Variants in CAPN15 observed in about 807,000 individuals in gnomAD.
The protein encoded by CAPN15 is calpain 15.
A neutral mutation model predicts 97.9 loss-of-function variants in CAPN15; 53 were observed. The observed-to-expected ratio is 0.54, with a 90% confidence interval of 0.43 to 0.68. CAPN15 has a LOEUF of 0.68. CAPN15 is among the 30% of genes least tolerant of loss of function. CAPN15 has a pLI of 0.00. For missense variants in CAPN15, 1,592 were observed against 1,589.8 expected, an observed-to-expected ratio of 1.00 and a Z score of -0.02; for synonymous variants, 922 against 722.5, an observed-to-expected ratio of 1.28 and a Z score of -4.43.
At chr16:544,065 G>A (rs932000883) in intron 3 of CAPN15, among the ~76,000 whole-genome samples, 10 of 152,158 alleles carry the variant, frequency 6.6e-5, no homozygotes, top group Admixed American at 2.6e-4. Context: ...AGTCATCTAC[G>A]GGCCGGGCAC....
rs141169267 is a variant in CAPN15, at chr16:551,347, C to T, written c.2112C>T (p.Asp704=). ...ASCGGGNMKV[D]DSAYESLGLR... ...GTGGCGGGGGCAACATGAAGGTGGA[C>T]GATTCGGCCTACGAGAGCCTGGGCC... The change falls in exon 8 of 14, where the codon GAC becomes GAT. Residue 704 remains aspartate, a synonymous_variant. Coordinates refer to ENST00000219611, the MANE Select transcript of CAPN15 (RefSeq NM_005632.3). 313 of 1,607,930 alleles carry T rather than the reference C, an allele frequency of 1.9e-4. 1 individual carries two copies. The African/African-American group carries it at 2.1e-3, about 11-fold the overall frequency.
At chr16:531,006 G>C (rs991006612) in intron 1 of CAPN15, among the ~76,000 whole-genome samples, 2 of 152,248 alleles carry the variant, frequency 1.3e-5, no homozygotes, top group Non-Finnish European at 2.9e-5. Flanking sequence ...AAGCTTCAAG[G>C]GTTGCCATCC....
intron 2 of CAPN15, among the ~76,000 whole-genome samples, 191 bp downstream of exon 2, chr16:534,189 C>T: frequency 6.6e-6 from 1 of 152,402 alleles, no homozygotes; most frequent in East Asian, 1.9e-4. Context: ...GGGCCGTGGT[C>T]CTGTCGTGGG....
At chr16:531,998 C>G (rs2033296449) in intron 1 of CAPN15, among the ~76,000 whole-genome samples, 1 of 152,100 alleles carries the variant, frequency 6.6e-6, no homozygotes, top group South Asian at 2.1e-4. Context: ...CCAGCCCTTT[C>G]AGAGGCCGAG....
At chr16:551,467 A>G (rs751859257) in intron 8 of CAPN15, 40 bp downstream of exon 8, 33 of 1,599,436 alleles carry the variant, frequency 2.1e-5, no homozygotes, top group Non-Finnish European at 2.8e-5. Flanking sequence ...GGTGCCGGTG[A>G]GACTCGGGCA....
intron 7 of CAPN15, among the ~76,000 whole-genome samples, chr16:550,649 C>T (rs1284195611): frequency 6.6e-6 from 1 of 151,880 alleles, no homozygotes. Context: ...TGAGGGTTCC[C>T]TGTCGGTGAG....
At chr16:553,270 C>G in intron 13 of CAPN15, 69 bp from the exon 14 acceptor site, 1 of 1,125,152 alleles carries the variant, frequency 8.9e-7, no homozygotes, top group South Asian at 1.4e-5. Context: ...TGCCCCTGTA[C>G]AGGTGGGCAC....
In CAPN15 at chr16:553,499, G is replaced by A. The variant is rs752543863; in HGVS notation, c.3244G>A (p.Gly1082Arg). The change falls in exon 14 of 14, where the codon GGG becomes AGG. Residue 1082 changes from glycine (G) to arginine (R), a missense_variant. Transcript: ENST00000219611. Reference protein sequence around the residue: ...PLTPEVAGLHGPRPL With the variant: ...PLTPEVAGLHRPRPL ...CACGCCAGAGGTCGCCGGTCTGCAT[G>A]GGCCCCGACCGCTGTGACCACCATG... The A allele has an allele frequency of 3.2e-5, 51 of 1,608,408 alleles. No individual in the cohort carries two copies. The South Asian group carries it at 4.2e-4, about 13-fold the overall frequency.
chr16:528,977 C>T (rs1324197783), intron 1 of CAPN15, among the ~76,000 whole-genome samples: 3 of 152,340 alleles, frequency 2.0e-5, no homozygotes, highest in South Asian at 4.1e-4. Flanking sequence ...GTGATTCTCC[C>T]TTCCGGTTCT....
At chr16:550,054 G>A (rs1026530302) in intron 7 of CAPN15, among the ~76,000 whole-genome samples, 1 of 151,848 alleles carries the variant, frequency 6.6e-6, no homozygotes. Context: ...GCCACATCCT[G>A]GCCAGGCCGT....
intron 3 of CAPN15, chr16:537,435 G>T: frequency 2.0e-6 from 2 of 985,746 alleles, no homozygotes; most frequent in Non-Finnish European, 2.4e-6. Flanking sequence ...GTGCCACGTG[G>T]GTGAGTGCGT....
chr16:540,467 G>A (rs1245805561), intron 3 of CAPN15: 9 of 509,418 alleles, frequency 1.8e-5, no homozygotes, highest in African/African-American at 6.2e-5. Context: ...TTGCAGAGAA[G>A]TGGGTCCCTG....
chr16:552,302 C>T lies in CAPN15; in HGVS notation c.2509C>T (p.Arg837Cys), dbSNP rs776415726. The T allele has an allele frequency of 1.6e-5, 25 of 1,552,366 alleles. No individual in the cohort carries two copies. The highest frequency in any genetic ancestry group is 4.1e-5 in the African/African-American group (3 of 73,606). Residue 837 changes from arginine (R) to cysteine (C), a missense_variant and splice_region_variant, in exon 11 of 14, where the codon CGC (arginine) becomes TGC (cysteine). By Grantham distance (180) the Arg-to-Cys change is radical. This residue lies in a region of CAPN15 where 644 missense variants were observed against 699.6 expected (regional missense o/e 0.92). Coordinates refer to ENST00000219611, the MANE Select transcript of CAPN15 (RefSeq NM_005632.3). This position sits in a 1 kb window ranked among gnomAD's most constrained non-coding sequence, Gnocchi z 6.4. ...CCTGGCCCGTGGTGTCTGGCGCAGGCGCTCGGACGCCGTGGACAGCCACCT... is the reference window on the plus strand; with the variant it reads ...CCTGGCCCGTGGTGTCTGGCGCAGGTGCTCGGACGCCGTGGACAGCCACCT... The part of the protein sequence containing the change: ...EFALFQEGSR[R>C]SDAVDSHLLD...
rs777379009 is a variant in CAPN15, at chr16:551,862, G to T, written c.2346-189G>T. On this transcript the variant is annotated intron_variant, in intron 9 of 13. Transcript: ENST00000219611. Reference sequence around the variant, plus strand: ...CCAGGTCAGCAGATTCCAGCGCCCTGAAGAGCCGGCCCTGGAGGGCTTCCT... The same window carrying T: ...CCAGGTCAGCAGATTCCAGCGCCCTTAAGAGCCGGCCCTGGAGGGCTTCCT... The T allele has an allele frequency of 4.1e-6, 4 of 980,888 alleles. No individual in the cohort carries two copies. In the South Asian group the frequency reaches 5.5e-5, roughly 14 times the overall value. 60.8% of individuals were successfully genotyped at this position (980,888 alleles called of 1,614,324 possible).
chr16:550,439 C>T (rs1200661712), intron 7 of CAPN15, among the ~76,000 whole-genome samples: 2 of 152,250 alleles, frequency 1.3e-5, no homozygotes, highest in African/African-American at 2.4e-5. Context: ...CTGGTCCAGA[C>T]CCTCCTGAAC....
chr16:542,000 G>A (rs1444090993), intron 3 of CAPN15, among the ~76,000 whole-genome samples: 7 of 146,104 alleles, frequency 4.8e-5, no homozygotes, highest in African/African-American at 1.8e-4. Context: ...CAGAAGGTGC[G>A]TGGATGTGGG....
In CAPN15 at chr16:552,953, C is replaced by T. The variant is rs773791749; in HGVS notation, c.2995C>T (p.His999Tyr). ...GAACCGACACCCCAAGGCCTACCTGCACGTGCAGTGTGACTGCACCGACAG... is the reference window on the plus strand; with the variant it reads ...GAACCGACACCCCAAGGCCTACCTGTACGTGCAGTGTGACTGCACCGACAG... ...VENRHPKAYL[H>Y]VQCDCTDSFN... is the part of the protein sequence containing the mutation. Residue 999 changes from histidine (H) to tyrosine (Y), a missense_variant, in exon 13 of 14, where the codon CAC becomes TAC. His to Tyr is a moderately conservative substitution (Grantham distance 83). Transcript: ENST00000219611. The surrounding 1 kb of genome is among the most constrained non-coding windows in gnomAD (Gnocchi z 6.4). 6.2e-7 allele frequency: 1 copy of T among 1,611,918 alleles called. No individual in the cohort carries two copies. Among genetic ancestry groups the T allele is most frequent in the Non-Finnish European group, 8.5e-7 (1 of 1,179,428 alleles).
chr16:548,231 A>G lies in CAPN15; in HGVS notation c.1393A>G (p.Thr465Ala), dbSNP rs569889148. ...ESMHVEQRRQTDEGEAKALWE... is the reference protein window; with the variant it reads ...ESMHVEQRRQADEGEAKALWE... ...CATGCACGTGGAGCAGCGGCGGCAGACAGACGAGGGCGAGGCCAAGGCACT... is the reference window on the plus strand; with the variant it reads ...CATGCACGTGGAGCAGCGGCGGCAGGCAGACGAGGGCGAGGCCAAGGCACT... Residue 465 changes from threonine (T) to alanine (A), a missense_variant, in exon 4 of 14, where the codon ACA becomes GCA. Transcript: ENST00000219611. 1.9e-6 allele frequency: 3 copies of G among 1,552,390 alleles called. No homozygotes were observed. In the East Asian group the frequency reaches 7.2e-5, roughly 37 times the overall value.
At chr16:544,232 G>A (rs762751157) in intron 3 of CAPN15, among the ~76,000 whole-genome samples, 8 of 152,226 alleles carry the variant, frequency 5.3e-5, no homozygotes, top group African/African-American at 1.7e-4. Context: ...GGTATCCCCC[G>A]CCCTGGGCAC....
Sources: allele counts gnomAD v4.1 joint callset (sites outside exome capture counted in the v4.1 genomes callset), GRCh38; gene constraint gnomAD v4.1.1; regional missense constraint gnomAD v4.1.1; non-coding constraint Gnocchi (gnomAD v3.1); transcripts MANE v1.5; gene names NCBI Gene and HGNC (gene_info 2026-07-23, HGNC 2026-07-21).